The following SLC10A7 variants were observed in gnomAD, a reference collection of about 807,000 sequenced individuals.
SLC10A7 encodes sodium/bile acid cotransporter 7.
Under a neutral mutation model 43.2 loss-of-function variants are expected in SLC10A7, and 29 were observed. The ratio of observed to expected loss-of-function variants is 0.67; its 90% CI spans 0.50 to 0.92. SLC10A7 has a LOEUF of 0.92. SLC10A7 is among the 40% of genes least tolerant of loss of function. The pLI, the probability that SLC10A7 is intolerant of heterozygous loss-of-function variation, is 0.00. For missense variants in SLC10A7, 295 were observed against 403.2 expected (o/e 0.73, Z 2.30); for synonymous variants, 152 against 144.8 (o/e 1.05, Z -0.35).
chr4:146,424,211 CT>C (rs1305981598), intron 5 of SLC10A7, among the ~76,000 whole-genome samples: 1 of 152,148 alleles, frequency 6.6e-6, no homozygotes, highest in Non-Finnish European at 1.5e-5. Context: ...AACACCACAT[CT>C]GTCTAATTTT....
intron 5 of SLC10A7, among the ~76,000 whole-genome samples, chr4:146,342,516 T>C (rs1253493306): frequency 6.6e-6 from 1 of 151,820 alleles, no homozygotes; most frequent in Non-Finnish European, 1.5e-5. Flanking sequence ...GTAACAATCT[T>C]TTAAGAATGT....
intron 5 of SLC10A7, among the ~76,000 whole-genome samples, chr4:146,428,673 G>C (rs1174224865): frequency 6.6e-6 from 1 of 151,036 alleles, no homozygotes; most frequent in Non-Finnish European, 1.5e-5. Context: ...TTAGGATACT[G>C]TACAGTTTCT....
intron 5 of SLC10A7, among the ~76,000 whole-genome samples, chr4:146,421,688 A>C (rs1728976151): frequency 6.6e-6 from 1 of 152,060 alleles, no homozygotes; most frequent in African/African-American, 2.4e-5. Context: ...TGTGTTGATC[A>C]TCTACTATGT....
At chr4:146,447,688 T>C (rs1731224735) in intron 4 of SLC10A7, among the ~76,000 whole-genome samples, 1 of 151,862 alleles carries the variant, frequency 6.6e-6, no homozygotes, top group South Asian at 2.1e-4. Context: ...AAAGTTCATA[T>C]TGAGATTTTT....
intron 4 of SLC10A7, among the ~76,000 whole-genome samples, chr4:146,445,051 G>T (rs986233141): frequency 6.6e-6 from 1 of 151,992 alleles, no homozygotes; most frequent in Non-Finnish European, 1.5e-5. Flanking sequence ...TTGGCATGAC[G>T]TCCAGGGCCT....
chr4:146,498,199 C>T (rs1014096978), intron 4 of SLC10A7, among the ~76,000 whole-genome samples: 1 of 151,922 alleles, frequency 6.6e-6, no homozygotes, highest in Non-Finnish European at 1.5e-5. Context: ...CTCACTGCAA[C>T]CTCCGCGCCC....
intron 4 of SLC10A7, among the ~76,000 whole-genome samples, chr4:146,448,741 G>A (rs1278725312): frequency 1.3e-5 from 2 of 152,142 alleles, no homozygotes; most frequent in African/African-American, 2.4e-5. Context: ...TTCTAATGAT[G>A]TTTCAAGCCT....
chr4:146,392,281 T>C (rs1305265703), intron 5 of SLC10A7, among the ~76,000 whole-genome samples: 4 of 152,188 alleles, frequency 2.6e-5, no homozygotes, highest in Non-Finnish European at 4.4e-5. Context: ...TATGTCATTA[T>C]ACCATACAGA....
At chr4:146,438,524 T>C (rs990437267) in intron 5 of SLC10A7, among the ~76,000 whole-genome samples, 4 of 152,124 alleles carry the variant, frequency 2.6e-5, no homozygotes, top group African/African-American at 7.2e-5. Context: ...CCATGAAGTG[T>C]TCTAATGTTT....
At chr4:146,272,859 G>A (rs781464554) in intron 10 of SLC10A7, among the ~76,000 whole-genome samples, 3 of 152,092 alleles carry the variant, frequency 2.0e-5, no homozygotes, top group Admixed American at 6.6e-5. Flanking sequence ...GACAGCGAGT[G>A]CACAGATGAA....
chr4:146,488,232 G>A (rs1438216630), intron 4 of SLC10A7, among the ~76,000 whole-genome samples: 1 of 151,952 alleles, frequency 6.6e-6, no homozygotes. Flanking sequence ...CATTTCATAA[G>A]ATATGCACAA....
intron 4 of SLC10A7, among the ~76,000 whole-genome samples, chr4:146,471,542 A>C (rs912656981): frequency 6.6e-6 from 1 of 152,190 alleles, no homozygotes; most frequent in Non-Finnish European, 1.5e-5. Context: ...GCTTGCTGAA[A>C]AGAAGGTAGA....
intron 9 of SLC10A7, among the ~76,000 whole-genome samples, chr4:146,291,513 C>G (rs1254315212): frequency 6.6e-6 from 1 of 152,236 alleles, no homozygotes; most frequent in Non-Finnish European, 1.5e-5. Context: ...AGCATAGGCT[C>G]TTTCCCTTGT....
chr4:146,277,625 A>C (rs1729288886), intron 10 of SLC10A7, among the ~76,000 whole-genome samples: 1 of 152,184 alleles, frequency 6.6e-6, no homozygotes, highest in Non-Finnish European at 1.5e-5. Context: ...ACAGAACTGT[A>C]ACTCTGAAGG....
intron 9 of SLC10A7, among the ~76,000 whole-genome samples, chr4:146,292,337 T>A (rs1730497876): frequency 6.6e-6 from 1 of 151,994 alleles, no homozygotes; most frequent in Non-Finnish European, 1.5e-5. Flanking sequence ...TGAAATAGCC[T>A]AGAGAGAAAG....
chr4:146,378,563 A>T (rs1260076027), intron 5 of SLC10A7, among the ~76,000 whole-genome samples: 4 of 152,214 alleles, frequency 2.6e-5, no homozygotes. Context: ...TACATTATAG[A>T]GTACATAAAA....
intron 4 of SLC10A7, among the ~76,000 whole-genome samples, chr4:146,499,331 GA>G (rs1736196171): frequency 6.6e-6 from 1 of 152,146 alleles, no homozygotes; most frequent in Non-Finnish European, 1.5e-5. Context: ...GAGAATCACA[GA>G]AAAGCAGAAT....
chr4:146,483,601 T>C (rs1280994346), intron 4 of SLC10A7, among the ~76,000 whole-genome samples: 1 of 151,876 alleles, frequency 6.6e-6, no homozygotes, highest in Non-Finnish European at 1.5e-5. Flanking sequence ...CAAAAGGTAA[T>C]AGTAAGTCCT....
chr4:146,349,252 GA>G (rs976736662), intron 5 of SLC10A7, among the ~76,000 whole-genome samples: 2 of 151,584 alleles, frequency 1.3e-5, no homozygotes, highest in African/African-American at 2.4e-5. Context: ...AAAAATACAT[GA>G]AAAAAAATGC....
Sources: gnomAD v4.1 joint callset for allele counts (sites outside exome capture counted in the v4.1 genomes callset) on GRCh38, gnomAD v4.1.1 for gene constraint, MANE v1.5 for transcripts, NCBI Gene and HGNC (gene_info 2026-07-23, HGNC 2026-07-21) for gene names.